ACTR3B: variants seen among roughly 807,000 people sequenced by gnomAD.
The protein encoded by ACTR3B is actin related protein 3B.
Under a neutral mutation model 59.0 loss-of-function variants are expected in ACTR3B, and 8 were observed. The ratio of observed to expected loss-of-function variants is 0.14; its 90% confidence interval spans 0.08 to 0.24. ACTR3B has a LOEUF of 0.24. ACTR3B is among the 10% of genes least tolerant of loss of function. The pLI is 1.00. For synonymous variants in ACTR3B, 148 were observed against 197.9 expected (o/e 0.75, Z 2.12); for missense variants, 245 against 552.3 (o/e 0.44, Z 5.58).
chr7:152,780,177 C>G (rs1001289570), intron 1 of ACTR3B, among the ~76,000 whole-genome samples: 2 of 151,906 alleles, frequency 1.3e-5, no homozygotes, highest in African/African-American at 2.4e-5. Flanking sequence ...ATGGTGAAAC[C>G]CCATCTCTAC....
rs760381380 is a variant in ACTR3B at position 152,820,307 on chromosome 7, T to C, written c.549T>C (p.Gly183=). The change falls in exon 7 of 12, where the codon GGT becomes GGC. Residue 183 remains glycine, a synonymous_variant. Transcript: ENST00000256001. Reference sequence around the variant, plus strand: ...CTCCTCTTCTTCCCTAGGCAGAAGGTTATGTAATTGGAAGCTGCATCAAAC... The same window carrying C: ...CTCCTCTTCTTCCCTAGGCAGAAGGCTATGTAATTGGAAGCTGCATCAAAC... The part of the protein sequence containing the change: ...GVTHVIPVAE[G]YVIGSCIKHI... 6 of 1,586,650 alleles carry C rather than the reference T, an allele frequency of 3.8e-6. No homozygotes were observed. The highest frequency in any genetic ancestry group is 2.7e-5 in the African/African-American group (2 of 74,650).
chr7:152,783,931 A>G (rs1378422191), intron 2 of ACTR3B, among the ~76,000 whole-genome samples: 1 of 152,066 alleles, frequency 6.6e-6, no homozygotes, highest in African/African-American at 2.4e-5. Context: ...CTCTATCAAA[A>G]ATACAAAAAT....
chr7:152,835,486 T>C (rs1372866877), intron 9 of ACTR3B, among the ~76,000 whole-genome samples: 2 of 152,214 alleles, frequency 1.3e-5, no homozygotes, highest in Non-Finnish European at 2.9e-5. Context: ...TATAATAGCA[T>C]TATGTCTAAA....
At chr7:152,765,108 C>T (rs1236972736) in intron 1 of ACTR3B, among the ~76,000 whole-genome samples, 1 of 99,004 alleles carries the variant, frequency 1.0e-5, no homozygotes, top group African/African-American at 3.9e-5. Flanking sequence ...TTACCCTGGC[C>T]CTTTTTTTTT....
At chr7:152,792,702 T>C (rs374724519) in intron 2 of ACTR3B, among the ~76,000 whole-genome samples, 9 of 151,834 alleles carry the variant, frequency 5.9e-5, no homozygotes, top group African/African-American at 1.9e-4. Flanking sequence ...GAGCTGAGAT[T>C]GCGCCACTGC....
chr7:152,851,495 A>AGGG (rs1486484575), intron 9 of ACTR3B, among the ~76,000 whole-genome samples: 1 of 152,220 alleles, frequency 6.6e-6, no homozygotes, highest in African/African-American at 2.4e-5. Flanking sequence ...ACAGGTGGGC[A>AGGG]GGGTTGACAA....
chr7:152,854,599 G>A lies in ACTR3B; in HGVS notation c.*46G>A. ...TCGATGGTGTCACGTTGGGGAACAA[G>A]TGTCCTTCAGAACCCAGAGAAGGCC... is the stretch of plus-strand genomic sequence containing the variant. On this transcript the variant is annotated 3_prime_UTR_variant, in exon 12 of 12. Transcript: ENST00000256001. This position sits in a 1 kb window ranked among gnomAD's most constrained non-coding sequence, Gnocchi z 4.9. 3 of 1,586,582 alleles carry A rather than the reference G, an allele frequency of 1.9e-6. No homozygotes were observed. Among genetic ancestry groups the A allele is most frequent in the Non-Finnish European group, 2.6e-6 (3 of 1,156,340 alleles).
intron 7 of ACTR3B, among the ~76,000 whole-genome samples, chr7:152,821,872 T>G (rs2689598): frequency 6.6e-6 from 1 of 152,050 alleles, no homozygotes; most frequent in African/African-American, 2.4e-5. Flanking sequence ...CTTCTGTGGT[T>G]GTGAACAGGC....
chr7:152,805,855 C>T (rs1271878074), intron 4 of ACTR3B, among the ~76,000 whole-genome samples: 1 of 152,128 alleles, frequency 6.6e-6, no homozygotes, highest in Non-Finnish European at 1.5e-5. Flanking sequence ...AAAAATGTTT[C>T]TTTACTGTAG....
rs763921612 is a variant in ACTR3B at position 152,853,541 on chromosome 7, C to T, written c.1125C>T (p.Tyr375=). 24 of 1,613,850 alleles carry T rather than the reference C, an allele frequency of 1.5e-5. No individual in the cohort carries two copies. Among genetic ancestry groups the T allele is most frequent in the Admixed American group, 3.3e-5 (2 of 59,978 alleles). ...TGGTCACGCATCACATGCAGCGCTA[C>T]GCCGTGTGGTTCGGAGGCTCCATGC... The part of the protein sequence containing the change: ...VQVVTHHMQR[Y]AVWFGGSMLA... Residue 375 remains tyrosine, a synonymous_variant, in exon 11 of 12, where the codon TAC becomes TAT. Coordinates refer to ENST00000256001, the MANE Select transcript of ACTR3B (RefSeq NM_020445.6).
intron 9 of ACTR3B, among the ~76,000 whole-genome samples, chr7:152,832,213 G>A (rs1337824347): frequency 2.6e-5 from 4 of 152,098 alleles, no homozygotes; most frequent in Admixed American, 1.3e-4. Context: ...AGGAGGGTGG[G>A]GGGTCATTTA....
At chr7:152,849,096 TTGG>T (rs749188236) in intron 9 of ACTR3B, among the ~76,000 whole-genome samples, 38 of 152,178 alleles carry the variant, frequency 2.5e-4, no homozygotes, top group Non-Finnish European at 5.1e-4. Flanking sequence ...AGCGGTTTCC[TTGG>T]TTGGCCACGC....
intron 1 of ACTR3B, among the ~76,000 whole-genome samples, chr7:152,765,550 A>G (rs2098107043): frequency 6.6e-6 from 1 of 151,558 alleles, no homozygotes; most frequent in African/African-American, 2.4e-5. Context: ...CACAAAGGGG[A>G]GGTTACAGGA....
chr7:152,759,951 C>G, intron 1 of ACTR3B, 25 bp downstream of exon 1: 1 of 1,347,094 alleles, frequency 7.4e-7, no homozygotes, highest in Non-Finnish European at 9.6e-7. Flanking sequence ...GCGCCCACCC[C>G]CGCTCCTCCG....
chr7:152,762,603 A>G (rs1040796501), intron 1 of ACTR3B, among the ~76,000 whole-genome samples: 1 of 152,166 alleles, frequency 6.6e-6, no homozygotes, highest in Non-Finnish European at 1.5e-5. Flanking sequence ...CATTCCAATC[A>G]TCAAAATCAG....
intron 1 of ACTR3B, among the ~76,000 whole-genome samples, chr7:152,775,643 CAG>C (rs1281873180): frequency 2.0e-5 from 3 of 151,850 alleles, no homozygotes; most frequent in Non-Finnish European, 4.4e-5. Flanking sequence ...CCTGTGGTCC[CAG>C]CTACTCAGGA....
intron 9 of ACTR3B, among the ~76,000 whole-genome samples, chr7:152,825,364 T>G (rs1796487082): frequency 6.6e-6 from 1 of 152,204 alleles, no homozygotes; most frequent in Non-Finnish European, 1.5e-5. Flanking sequence ...CGGGCTGGAG[T>G]GCAGTGGTGC....
intron 9 of ACTR3B, among the ~76,000 whole-genome samples, chr7:152,842,120 T>C (rs1664518493): frequency 6.6e-6 from 1 of 152,226 alleles, no homozygotes. Context: ...TCCCTTCTTA[T>C]CCATGGGGCA....
intron 7 of ACTR3B, among the ~76,000 whole-genome samples, chr7:152,821,698 T>C (rs1189008234): frequency 6.6e-6 from 1 of 152,184 alleles, no homozygotes; most frequent in Non-Finnish European, 1.5e-5. Flanking sequence ...CTCCCCCCTG[T>C]GAAGGCTGGG....
Sources: gnomAD v4.1 joint callset for allele counts (sites outside exome capture counted in the v4.1 genomes callset) on GRCh38, gnomAD v4.1.1 for gene constraint, Gnocchi (gnomAD v3.1) non-coding constraint, MANE v1.5 for transcripts, NCBI Gene and HGNC (gene_info 2026-07-23, HGNC 2026-07-21) for gene names.